Variants in NMNAT3 observed in about 807,000 individuals in gnomAD.
NMNAT3 encodes the protein nicotinamide nucleotide adenylyltransferase 3, also known as nicotinamide/nicotinic acid mononucleotide adenylyltransferase 3.
NMNAT3 carries 21 observed loss-of-function variants against 24.8 expected under a neutral mutation model. The ratio of observed to expected loss-of-function variants is 0.85; its 90% CI spans 0.60 to 1.22. NMNAT3 has a LOEUF of 1.22. Among genes scored for constraint, NMNAT3 ranks in the 50% most tolerant of loss-of-function variants. The pLI, the probability that NMNAT3 is intolerant of heterozygous loss-of-function variation, is 0.00. For missense variants in NMNAT3, 387 were observed against 436.6 expected (o/e 0.89, Z 1.01); for synonymous variants, 136 against 155.2 (o/e 0.88, Z 0.92).
chr3:139,590,443 T>C (rs1460107188), intron 3 of NMNAT3, among the ~76,000 whole-genome samples: 14 of 152,152 alleles, frequency 9.2e-5, no homozygotes, highest in Non-Finnish European at 8.8e-5. Flanking sequence ...AATCTTCATT[T>C]TTCCTGAAGG....
intron 1 of NMNAT3, among the ~76,000 whole-genome samples, chr3:139,651,912 T>C (rs1054550251): frequency 6.6e-6 from 1 of 152,216 alleles, no homozygotes; most frequent in Admixed American, 6.5e-5. Flanking sequence ...CTCCCTGCCC[T>C]GGAGGAGGGA....
chr3:139,661,118 T>C (rs912015874), intron 1 of NMNAT3, among the ~76,000 whole-genome samples: 3 of 152,164 alleles, frequency 2.0e-5, no homozygotes, highest in Admixed American at 6.5e-5. Flanking sequence ...TCAGGTATCA[T>C]AAAAGACTCA....
At chr3:139,671,093 T>A (rs1413589192) in intron 1 of NMNAT3, among the ~76,000 whole-genome samples, 1 of 152,188 alleles carries the variant, frequency 6.6e-6, no homozygotes, top group Non-Finnish European at 1.5e-5. Context: ...ATTGTTTAAT[T>A]TGGCTGATTT....
intron 5 of NMNAT3, chr3:139,576,111 A>G: frequency 2.4e-6 from 3 of 1,249,800 alleles, no homozygotes; most frequent in Non-Finnish European, 3.1e-6. Flanking sequence ...GTTTGTTACT[A>G]TGTCACTATG....
At chr3:139,600,377 C>T (rs1002284868) in intron 3 of NMNAT3, among the ~76,000 whole-genome samples, 4 of 150,878 alleles carry the variant, frequency 2.7e-5, no homozygotes, top group Admixed American at 2.6e-4. Flanking sequence ...GCAATCTTGG[C>T]TCACTGCAAC....
At chr3:139,564,829 A>G (rs1936928174) in intron 6 of NMNAT3, among the ~76,000 whole-genome samples, 1 of 152,198 alleles carries the variant, frequency 6.6e-6, no homozygotes, top group African/African-American at 2.4e-5. Context: ...ATTGCTCTAC[A>G]TTTTACCCCA....
chr3:139,621,033 T>A (rs2055747523), intron 3 of NMNAT3, among the ~76,000 whole-genome samples: 1 of 152,192 alleles, frequency 6.6e-6, no homozygotes, highest in South Asian at 2.1e-4. Context: ...TCCTCTCACC[T>A]CAGACTCCCA....
intron 1 of NMNAT3, among the ~76,000 whole-genome samples, chr3:139,663,818 G>A (rs2057494935): frequency 6.6e-6 from 1 of 152,138 alleles, no homozygotes; most frequent in African/African-American, 2.4e-5. Flanking sequence ...TAGACTTATG[G>A]TCACAGCACA....
intron 2 of NMNAT3, 64 bp from the exon 4 acceptor site, chr3:139,627,828 C>T (rs1022621362): frequency 2.0e-5 from 12 of 586,678 alleles, no homozygotes; most frequent in Non-Finnish European, 2.6e-5. Flanking sequence ...AGATCAGTCT[C>T]TCTAAACCAC....
intron 2 of NMNAT3, among the ~76,000 whole-genome samples, chr3:139,634,157 G>A (rs1257657621): frequency 1.3e-5 from 2 of 152,196 alleles, no homozygotes; most frequent in Non-Finnish European, 2.9e-5. Context: ...ACAGGCCGTC[G>A]CGGAGGCACA....
At chr3:139,615,397 T>A (rs998335839) in intron 3 of NMNAT3, among the ~76,000 whole-genome samples, 2 of 149,086 alleles carry the variant, frequency 1.3e-5, no homozygotes, top group Non-Finnish European at 3.0e-5. Flanking sequence ...TGTGTATCTA[T>A]ATAAATATCC....
chr3:139,632,435 C>T (rs1275524925), intron 2 of NMNAT3, among the ~76,000 whole-genome samples: 1 of 152,236 alleles, frequency 6.6e-6, no homozygotes, highest in Non-Finnish European at 1.5e-5. Flanking sequence ...CTCTGCCCTA[C>T]AGAACTGGAG....
At chr3:139,564,521 C>T (rs1936882303) in intron 6 of NMNAT3, among the ~76,000 whole-genome samples, 1 of 152,176 alleles carries the variant, frequency 6.6e-6, no homozygotes, top group South Asian at 2.1e-4. Flanking sequence ...TGTTAAAGAA[C>T]TGAAGGCATC....
At chr3:139,635,129 T>C (rs1158614804) in intron 2 of NMNAT3, 1 of 152,226 alleles carries the variant, frequency 6.6e-6, no homozygotes, top group Non-Finnish European at 1.5e-5. Flanking sequence ...TCATTGTGTT[T>C]AAAACATAAT....
chr3:139,659,641 A>G (rs2057352889), intron 1 of NMNAT3, among the ~76,000 whole-genome samples: 1 of 152,230 alleles, frequency 6.6e-6, no homozygotes, highest in Non-Finnish European at 1.5e-5. Flanking sequence ...GCTTGCATGC[A>G]GGTGTTTGAG....
chr3:139,562,508 G>A (rs1401828581), intron 6 of NMNAT3, among the ~76,000 whole-genome samples: 3 of 152,222 alleles, frequency 2.0e-5, no homozygotes, highest in Non-Finnish European at 2.9e-5. Flanking sequence ...ACTGGCCCCT[G>A]TCAGTCACCA....
In NMNAT3 at chr3:139,594,957, G is replaced by T. The variant is rs536042697; in HGVS notation, c.110-11749C>A. Among the ~76,000 whole-genome samples the T allele has an allele frequency of 2.3e-4, 35 of 152,268 alleles. No homozygotes were observed. The East Asian group carries it at 4.3e-3, about 19-fold the overall frequency. On this transcript the variant is annotated intron_variant, in intron 3 of 6. Coordinates refer to ENST00000643695, the MANE Select transcript of NMNAT3 (RefSeq NM_001320510.2). ...ATTCAACATAGTGTTGGAAGTTCTG[G>T]CCAGGGCAATTAGGCAGGAGAAGGA...
At chr3:139,585,046 A>T (rs1180073491) in intron 3 of NMNAT3, among the ~76,000 whole-genome samples, 1 of 152,184 alleles carries the variant, frequency 6.6e-6, no homozygotes, top group East Asian at 1.9e-4. Context: ...AAAAAAATAT[A>T]TATTCTGCTG....
chr3:139,655,667 CAGA>C (rs576656514), intron 1 of NMNAT3, among the ~76,000 whole-genome samples: 39 of 152,324 alleles, frequency 2.6e-4, no homozygotes, highest in African/African-American at 8.4e-4. Flanking sequence ...GCCCGAGCCA[CAGA>C]AGGAGGGAAG....
Sources: allele counts gnomAD v4.1 joint callset (sites outside exome capture counted in the v4.1 genomes callset), GRCh38; gene constraint gnomAD v4.1.1; transcripts MANE v1.5; gene names NCBI Gene and HGNC (gene_info 2026-07-23, HGNC 2026-07-21).